The following SLC44A5 variants were observed in gnomAD, a reference collection of about 807,000 sequenced individuals.
SLC44A5 encodes the protein choline transporter-like protein 5.
Under a neutral mutation model 101.8 loss-of-function variants are expected in SLC44A5, and 57 were observed. The observed-to-expected ratio is 0.56, with a 90% confidence interval of 0.45 to 0.70. SLC44A5 has a LOEUF of 0.70. Ranked by LOEUF, SLC44A5 falls within the 30% of genes least tolerant of loss-of-function variation. The pLI is 0.00. For synonymous variants in SLC44A5, 281 were observed against 290.9 expected (o/e 0.97, Z 0.35); for missense variants, 737 against 853.1 (o/e 0.86, Z 1.70).
intron 3 of SLC44A5, among the ~76,000 whole-genome samples, chr1:75,375,635 G>A (rs1038370078): frequency 6.6e-6 from 1 of 152,134 alleles, no homozygotes; most frequent in Non-Finnish European, 1.5e-5. Context: ...ACCCCATCAG[G>A]TGAACAGTGG....
chr1:75,494,355 A>C (rs1265425597), intron 2 of SLC44A5, among the ~76,000 whole-genome samples: 1 of 152,028 alleles, frequency 6.6e-6, no homozygotes, highest in Non-Finnish European at 1.5e-5. Flanking sequence ...CAAACCCCCA[A>C]CTTCTCCCTG....
Position 75,357,195 on chromosome 1 carries a change from C to T in SLC44A5, c.53-17565G>A, listed in dbSNP as rs17096792. The T allele has an allele frequency of 9.6e-3, 4,375 of 455,796 alleles. 100 individuals are homozygous for T. Among genetic ancestry groups the T allele is most frequent in the Middle Eastern group, 0.061 (188 of 3,064 alleles). 28.2% of individuals were successfully genotyped at this position (455,796 alleles called of 1,614,324 possible). A position where few individuals can be genotyped will look rare whatever the true frequency, so the allele number is the denominator to read the frequency against. On this transcript the variant is annotated intron_variant, in intron 3 of 23. Transcript: ENST00000370859. ...GAAAAGAATTAACGTTATGCCTTTT[C>T]TTGGCCTTAGTTGCTGGTGTCTTTC... is the stretch of plus-strand genomic sequence containing the variant.
At chr1:75,620,123 G>A in the SLC44A5 span, among the ~76,000 whole-genome samples, 1 of 152,050 alleles carries the variant, frequency 6.6e-6, no homozygotes, top group East Asian at 1.9e-4. Context: ...GAGAATGATG[G>A]TTTCCAGCTT....
intron 2 of SLC44A5, among the ~76,000 whole-genome samples, chr1:75,476,965 AC>A (rs1490739350): frequency 2.6e-5 from 4 of 152,112 alleles, no homozygotes; most frequent in Non-Finnish European, 4.4e-5. Flanking sequence ...TGGGTCCCTG[AC>A]CCCTGACCCC....
At chr1:75,568,109 T>A (rs1309011116) in intron 1 of SLC44A5, among the ~76,000 whole-genome samples, 1 of 152,194 alleles carries the variant, frequency 6.6e-6, no homozygotes, top group African/African-American at 2.4e-5. Flanking sequence ...TTTTTTTCCA[T>A]GCAAGAAGTC....
chr1:75,680,899 AAT>A, the SLC44A5 span, among the ~76,000 whole-genome samples: 1 of 151,234 alleles, frequency 6.6e-6, no homozygotes, highest in Non-Finnish European at 1.5e-5. Context: ...AGAAGAATCA[AAT>A]AGACGCAATA....
intron 2 of SLC44A5, among the ~76,000 whole-genome samples, chr1:75,509,617 T>C (rs901258696): frequency 5.3e-5 from 8 of 152,152 alleles, no homozygotes; most frequent in Admixed American, 1.3e-4. Context: ...ATGATGTAAG[T>C]TATCTATCCT....
At chr1:75,494,807 G>A (rs1049264684) in intron 2 of SLC44A5, among the ~76,000 whole-genome samples, 2 of 152,166 alleles carry the variant, frequency 1.3e-5, no homozygotes, top group African/African-American at 4.8e-5. Flanking sequence ...ACTGAGAGGG[G>A]AATAAACCCC....
At chr1:75,612,379 C>T (rs1267355382), upstream of SLC44A5, among the ~76,000 whole-genome samples, 3 of 152,156 alleles carry the variant, frequency 2.0e-5, no homozygotes, top group Non-Finnish European at 2.9e-5. Flanking sequence ...ACACATTACA[C>T]CTCTTCCTTT....
At chr1:75,452,182 T>C (rs938383501) in intron 2 of SLC44A5, among the ~76,000 whole-genome samples, 4 of 152,146 alleles carry the variant, frequency 2.6e-5, no homozygotes, top group African/African-American at 9.7e-5. Flanking sequence ...GGTAACTCCG[T>C]CAGTCTAACG....
chr1:75,338,475 T>C (rs1020080889), intron 4 of SLC44A5, among the ~76,000 whole-genome samples: 2 of 152,202 alleles, frequency 1.3e-5, no homozygotes, highest in African/African-American at 2.4e-5. Context: ...ATACCTAAAG[T>C]TCCCTTGAAG....
chr1:75,444,554 A>G (rs1054046587), intron 2 of SLC44A5, among the ~76,000 whole-genome samples: 1 of 151,094 alleles, frequency 6.6e-6, no homozygotes, highest in Admixed American at 6.6e-5. Flanking sequence ...AGGAATAAGG[A>G]AAAATTTTAT....
At chr1:75,702,199 A>C in the SLC44A5 span, among the ~76,000 whole-genome samples, 2 of 152,200 alleles carry the variant, frequency 1.3e-5, no homozygotes, top group African/African-American at 4.8e-5. Flanking sequence ...CCGCATTGCC[A>C]AGTCAATCCT....
intron 2 of SLC44A5, among the ~76,000 whole-genome samples, chr1:75,418,273 C>T (rs979061558): frequency 3.3e-5 from 5 of 152,030 alleles, no homozygotes; most frequent in African/African-American, 1.2e-4. Context: ...CTGCCAGAGC[C>T]TAGGAATACA....
the SLC44A5 span, among the ~76,000 whole-genome samples, chr1:75,686,065 A>G: frequency 1.6e-3 from 243 of 152,240 alleles, 2 homozygotes; most frequent in Non-Finnish European, 2.7e-3. Context: ...AAACCCATTC[A>G]CTATCACAAA....
At chr1:75,535,181 A>G (rs1260681758) in intron 2 of SLC44A5, among the ~76,000 whole-genome samples, 2 of 151,860 alleles carry the variant, frequency 1.3e-5, no homozygotes, top group South Asian at 2.1e-4. Flanking sequence ...GTTACTTCAC[A>G]GAGTTAATCC....
At chr1:75,213,236 A>G (rs1646893858) in intron 22 of SLC44A5, among the ~76,000 whole-genome samples, 1 of 152,194 alleles carries the variant, frequency 6.6e-6, no homozygotes, top group South Asian at 2.1e-4. Flanking sequence ...TCTCTAAAGT[A>G]GAATGTGGGT....
chr1:75,365,235 A>G (rs998900326), intron 3 of SLC44A5, among the ~76,000 whole-genome samples: 1 of 152,050 alleles, frequency 6.6e-6, no homozygotes, highest in Non-Finnish European at 1.5e-5. Context: ...ATGTGTGTCA[A>G]GGGGGTTGGC....
chr1:75,238,632 G>C lies in SLC44A5; in HGVS notation c.537C>G (p.Leu179=). 1 of 1,551,290 alleles carries C rather than the reference G, an allele frequency of 6.4e-7. No homozygotes were observed. Among genetic ancestry groups the C allele is most frequent in the Non-Finnish European group, 8.7e-7 (1 of 1,143,146 alleles). Residue 179 remains leucine (L), a synonymous_variant, in exon 10 of 24, where the codon CTC becomes CTG. Transcript: ENST00000370859. ...TAGAGAAGTCAGGGAAACATCTCTG[G>C]AGAACTGTAAAAATAAATTAAAATT... ...PTAIFPSKPF[L]QRCFPDFSTK...
Sources: allele counts gnomAD v4.1 joint callset (sites outside exome capture counted in the v4.1 genomes callset), GRCh38; gene constraint gnomAD v4.1.1; transcripts MANE v1.5; gene names NCBI Gene and HGNC (gene_info 2026-07-23, HGNC 2026-07-21).